The following RCOR1 variants were observed in gnomAD, a reference collection of about 807,000 sequenced individuals.
The protein encoded by RCOR1 is REST corepressor.
In RCOR1, 12 loss-of-function variants were observed where a neutral mutation model predicts 64.0. That is an observed-to-expected ratio of 0.19 (90% CI 0.12 to 0.30). The LOEUF is 0.30. RCOR1 is among the 10% of genes least tolerant of loss of function. The pLI, the probability that RCOR1 is intolerant of heterozygous loss-of-function variation, is 1.00. For synonymous variants in RCOR1, 279 were observed against 227.2 expected, an observed-to-expected ratio of 1.23 and a Z score of -2.05; for missense variants, 502 against 621.2, an observed-to-expected ratio of 0.81 and a Z score of 2.04.
chr14:102,702,569 C>T (rs1321983916), intron 4 of RCOR1, among the ~76,000 whole-genome samples: 2 of 151,782 alleles, frequency 1.3e-5, no homozygotes, highest in Non-Finnish European at 2.9e-5. Context: ...TATATTGAGG[C>T]AGTAAAGTGT....
intron 2 of RCOR1, among the ~76,000 whole-genome samples, chr14:102,668,994 A>C (rs1415508029): frequency 6.6e-6 from 1 of 152,192 alleles, no homozygotes; most frequent in Non-Finnish European, 1.5e-5. Flanking sequence ...AAAAAGGAAG[A>C]GATAAGAGAG....
chr14:102,637,359 C>T (rs1894265159), intron 2 of RCOR1, among the ~76,000 whole-genome samples: 2 of 151,922 alleles, frequency 1.3e-5, no homozygotes, highest in Non-Finnish European at 2.9e-5. Flanking sequence ...ACCTCCTGAC[C>T]TCAGTTGATC....
intron 3 of RCOR1, among the ~76,000 whole-genome samples, chr14:102,698,656 G>A (rs771061734): frequency 4.6e-5 from 7 of 152,122 alleles, no homozygotes; most frequent in Non-Finnish European, 1.0e-4. Flanking sequence ...ACATATTCCT[G>A]AGTGCATCTC....
chr14:102,632,218 GTT>G (rs58663777), intron 2 of RCOR1, among the ~76,000 whole-genome samples: 15,914 of 130,434 alleles, frequency 0.12, 928 homozygotes, highest in African/African-American at 0.17. Context: ...CGTTTGTTGG[GTT>G]TTTTTTTTTT....
intron 8 of RCOR1, 145 bp downstream of exon 8, chr14:102,714,762 G>A (rs1264766104): frequency 3.4e-6 from 2 of 594,462 alleles, no homozygotes; most frequent in African/African-American, 1.8e-5. Flanking sequence ...TTAAGTACCA[G>A]CCCATTGTTT....
rs561298317 is a variant in RCOR1 at position 102,673,706 on chromosome 14, C to T, written c.362-8189C>T. 3.5e-4 allele frequency among the ~76,000 whole-genome samples: 53 copies of T among 152,114 alleles called. 1 individual carries two copies. The highest frequency in any genetic ancestry group is 6.3e-4 in the Non-Finnish European group (43 of 68,026). ...TCTCGGCTCACCGCAACCTCCGCCTCCCGGGTTCAAGTGATTCTCCTGCCT... is the reference window on the plus strand; with the variant it reads ...TCTCGGCTCACCGCAACCTCCGCCTTCCGGGTTCAAGTGATTCTCCTGCCT... On this transcript the variant is annotated intron_variant, in intron 2 of 11. Coordinates refer to ENST00000262241, the MANE Select transcript of RCOR1 (RefSeq NM_015156.4).
Position 102,694,568 on chromosome 14 carries a change from C to T in RCOR1, c.446-6710C>T, listed in dbSNP as rs1287704013. ...AGGATTACAGGCGTGAGCCATTGCG[C>T]CCGGCCAAGAAATAGCATTTTTATA... On this transcript the variant is annotated intron_variant, in intron 3 of 11. Transcript: ENST00000262241. Among the ~76,000 whole-genome samples, 3 of 152,206 alleles carry T rather than the reference C, an allele frequency of 2.0e-5. No homozygotes were observed. The East Asian group carries it at 5.8e-4, about 29-fold the overall frequency.
intron 2 of RCOR1, among the ~76,000 whole-genome samples, chr14:102,603,171 C>T (rs147153325): frequency 2.8e-4 from 42 of 151,414 alleles, no homozygotes; most frequent in African/African-American, 9.9e-4. Flanking sequence ...CCTTGAACTT[C>T]TAGGGCTCAA....
chr14:102,620,529 T>C (rs956100706), intron 2 of RCOR1, among the ~76,000 whole-genome samples: 5 of 152,128 alleles, frequency 3.3e-5, no homozygotes, highest in African/African-American at 1.2e-4. Flanking sequence ...ATCGTGCCGT[T>C]GTACTTCAGC....
Position 102,593,264 on chromosome 14 carries a change from A to G in RCOR1, c.302-2A>G. 1 of 1,528,652 alleles carries G rather than the reference A, an allele frequency of 6.5e-7. No individual in the cohort carries two copies. The highest frequency in any genetic ancestry group is 2.1e-5 in the Admixed American group (1 of 47,598). The allele number at this position is 1,528,652 out of a possible 1,614,324, so 94.7% of individuals were successfully genotyped here. The stretch of plus-strand genomic sequence containing the variant: ...GACCGCCGTATTCTGCTTCCCCCGC[A>G]GGTGGCGGTGGCATGAGGGTCGGAC... On this transcript the variant is annotated splice_acceptor_variant, in intron 1 of 11. Coordinates refer to ENST00000262241, the MANE Select transcript of RCOR1 (RefSeq NM_015156.4). LOFTEE classifies it high-confidence loss of function.
At chr14:102,672,663 C>G (rs754611137) in intron 2 of RCOR1, among the ~76,000 whole-genome samples, 6 of 152,178 alleles carry the variant, frequency 3.9e-5, no homozygotes, top group Non-Finnish European at 5.9e-5. Context: ...CCAATATGCT[C>G]AACCTCTTTA....
chr14:102,609,927 C>G (rs1330369754), intron 2 of RCOR1, among the ~76,000 whole-genome samples: 6 of 151,964 alleles, frequency 3.9e-5, no homozygotes, highest in Non-Finnish European at 7.4e-5. Context: ...ATCACGAGGT[C>G]AAGAGATTGA....
intron 2 of RCOR1, among the ~76,000 whole-genome samples, chr14:102,620,257 C>A (rs1459444860): frequency 2.6e-5 from 4 of 151,604 alleles, no homozygotes; most frequent in Admixed American, 6.6e-5. Context: ...ACACACCCCC[C>A]CACACCCACC....
chr14:102,627,120 A>C (rs961305968), intron 2 of RCOR1, among the ~76,000 whole-genome samples: 2 of 152,092 alleles, frequency 1.3e-5, no homozygotes, highest in Non-Finnish European at 2.9e-5. Context: ...AACCTGAATC[A>C]ATTAGAAGAA....
chr14:102,711,681 C>G (rs1163220376), intron 7 of RCOR1, among the ~76,000 whole-genome samples: 4 of 152,130 alleles, frequency 2.6e-5, no homozygotes, highest in African/African-American at 9.7e-5. Context: ...AGTTCTCTCT[C>G]TCTGCTCCAA....
chr14:102,631,241 C>T (rs1306892210), intron 2 of RCOR1, among the ~76,000 whole-genome samples: 6 of 148,290 alleles, frequency 4.0e-5, no homozygotes, highest in Admixed American at 3.4e-4. Context: ...CTTGCTGTGT[C>T]GCCTGGGCTG....
chr14:102,706,130 A>AAC, intron 4 of RCOR1, among the ~76,000 whole-genome samples: 1 of 149,400 alleles, frequency 6.7e-6, no homozygotes, highest in African/African-American at 2.5e-5. Context: ...AAAAAAAAAA[A>AAC]AAAAAAAAAA....
In RCOR1 at chr14:102,592,735, G is replaced by GT; in HGVS notation, c.-149dup. 1.6e-6 allele frequency: 2 copies of GT among 1,223,434 alleles called. No homozygotes were observed. The highest frequency in any genetic ancestry group is 2.0e-6 in the Non-Finnish European group (2 of 982,740). The allele number at this position is 1,223,434 out of a possible 1,614,324, so 75.8% of individuals were successfully genotyped here. On this transcript the variant is annotated 5_prime_UTR_variant, in exon 1 of 12. Coordinates refer to ENST00000262241, the MANE Select transcript of RCOR1 (RefSeq NM_015156.4). ...CTTGAAGCGGCTCCGCGCTCTGCCC[G>GT]TTTGGGCCTCCCCCGACTCGGACTC...
chr14:102,592,761 G>A lies in RCOR1; in HGVS notation c.-126G>A. 8.3e-7 allele frequency: 1 copy of A among 1,210,820 alleles called. No homozygotes were observed. The highest frequency in any genetic ancestry group is 1.0e-6 in the Non-Finnish European group (1 of 974,842). The allele number at this position is 1,210,820 out of a possible 1,614,324, so 75.0% of individuals were successfully genotyped here. On this transcript the variant is annotated 5_prime_UTR_variant, in exon 1 of 12. Coordinates refer to ENST00000262241, the MANE Select transcript of RCOR1 (RefSeq NM_015156.4). ...TTTGGGCCTCCCCCGACTCGGACTC[G>A]CGCCCGTGGGCTCCCGCCGCGCCCG...
Sources: gnomAD v4.1 joint callset for allele counts (sites outside exome capture counted in the v4.1 genomes callset) on GRCh38, gnomAD v4.1.1 for gene constraint, MANE v1.5 for transcripts, NCBI Gene and HGNC (gene_info 2026-07-23, HGNC 2026-07-21) for gene names.